Variants in CSMD1 observed in about 807,000 individuals in gnomAD.
The protein encoded by CSMD1 is CUB and Sushi multiple domains 1.
CSMD1 carries 213 observed loss-of-function variants against 417.5 expected under a neutral mutation model. The ratio of observed to expected loss-of-function variants is 0.51; its 90% CI spans 0.46 to 0.57. CSMD1 has a LOEUF of 0.57. Ranked by LOEUF, CSMD1 falls within the 20% of genes least tolerant of loss-of-function variation. CSMD1 has a pLI of 0.00. For missense variants in CSMD1, 6,923 were observed against 4,529.7 expected (o/e 1.53, Z -15.17); for synonymous variants, 2,862 against 1,736.8 (o/e 1.65, Z -16.11).
intron 7 of CSMD1, among the ~76,000 whole-genome samples, chr8:3,631,399 A>C (rs1329746707): frequency 6.6e-6 from 1 of 152,222 alleles, no homozygotes; most frequent in Non-Finnish European, 1.5e-5. Flanking sequence ...TGGAGTAGCA[A>C]AGAAGCCAGC....
chr8:4,077,572 T>A (rs1799901336), intron 3 of CSMD1, among the ~76,000 whole-genome samples: 2 of 152,056 alleles, frequency 1.3e-5, no homozygotes, highest in South Asian at 4.2e-4. Flanking sequence ...AAACCACTGC[T>A]ATGCCTATCA....
intron 7 of CSMD1, among the ~76,000 whole-genome samples, chr8:3,674,260 TA>T (rs1396547123): frequency 2.6e-5 from 4 of 152,222 alleles, no homozygotes; most frequent in African/African-American, 9.6e-5. Flanking sequence ...TAGTTGACTG[TA>T]ACCCATGTTG....
At chr8:3,556,486 TCAAA>T (rs1278407575) in intron 10 of CSMD1, among the ~76,000 whole-genome samples, 6 of 145,398 alleles carry the variant, frequency 4.1e-5, no homozygotes, top group East Asian at 2.0e-4. Flanking sequence ...GCCAAAATTA[TCAAA>T]CAAAATACAA....
chr8:4,667,270 T>G (rs969753263), intron 1 of CSMD1, among the ~76,000 whole-genome samples: 3 of 152,188 alleles, frequency 2.0e-5, no homozygotes. Context: ...AAAAGAAATC[T>G]TGAAATCAGA....
At chr8:4,901,122 A>C (rs1157155905) in intron 1 of CSMD1, among the ~76,000 whole-genome samples, 5 of 152,252 alleles carry the variant, frequency 3.3e-5, no homozygotes, top group Non-Finnish European at 7.3e-5. Context: ...TCAGTATTAC[A>C]CAGCAATTGC....
chr8:4,697,693 G>A (rs1807231529), intron 1 of CSMD1, among the ~76,000 whole-genome samples: 1 of 152,070 alleles, frequency 6.6e-6, no homozygotes, highest in South Asian at 2.1e-4. Flanking sequence ...TTTAATTACT[G>A]GACATGAGAG....
chr8:4,146,324 C>G (rs145353001), intron 3 of CSMD1, among the ~76,000 whole-genome samples: 1 of 150,812 alleles, frequency 6.6e-6, no homozygotes, highest in African/African-American at 2.5e-5. Flanking sequence ...TCTGACACAT[C>G]CAAAGCAGGT....
intron 5 of CSMD1, among the ~76,000 whole-genome samples, chr8:3,809,628 G>C (rs750395016): frequency 3.3e-5 from 5 of 152,232 alleles, no homozygotes; most frequent in African/African-American, 1.2e-4. Flanking sequence ...TCTGTCTCTG[G>C]TGGCGGCTAA....
rs1225008250 is a variant in CSMD1 at position 3,308,333 on chromosome 8, T to G, written c.3802A>C (p.Lys1268Gln). Residue 1268 changes from lysine (K) to glutamine (Q), a missense_variant, in exon 24 of 70, where the codon AAA becomes CAA. By Grantham distance (53) the Lys-to-Gln change is moderately conservative. Transcript: ENST00000635120. Reference protein sequence around the residue: ...CLSGDRRVWDKPLPSCIAECG... With the variant: ...CLSGDRRVWDQPLPSCIAECG... Reference sequence around the variant, plus strand: ...TCACCTATGCACGAAGGTAGTGGTTTGTCCCACACTCTCCTGTCTCCACTC... The same window carrying G: ...TCACCTATGCACGAAGGTAGTGGTTGGTCCCACACTCTCCTGTCTCCACTC... 5.0e-6 allele frequency: 8 copies of G among 1,611,418 alleles called. No homozygotes were observed. The highest frequency in any genetic ancestry group is 1.7e-5 in the Admixed American group (1 of 59,986).
chr8:3,549,120 G>T (rs183559377), intron 10 of CSMD1, among the ~76,000 whole-genome samples: 1 of 152,110 alleles, frequency 6.6e-6, no homozygotes, highest in Non-Finnish European at 1.5e-5. Context: ...GCAGATGCCC[G>T]CTTCCATGTT....
intron 1 of CSMD1, chr8:4,788,635 T>A (rs1025114619): frequency 2.9e-5 from 23 of 780,130 alleles, no homozygotes; most frequent in Non-Finnish European, 4.5e-5. Context: ...AAATTTCTAA[T>A]TTAGCTGAAG....
In CSMD1 at chr8:3,104,437, C is replaced by A. The variant is rs1023956949; in HGVS notation, c.6949+2091G>T. ...CTTCCACAGCCTACGGTCTGCTTAG[C>A]GTTTAAACAGACGAGCAGGCCAAGG... On this transcript the variant is annotated intron_variant, in intron 46 of 69. Transcript: ENST00000635120. 3.9e-5 allele frequency among the ~76,000 whole-genome samples: 6 copies of A among 152,074 alleles called. No homozygotes were observed. The East Asian group carries it at 9.7e-4, about 25-fold the overall frequency.
intron 1 of CSMD1, among the ~76,000 whole-genome samples, chr8:4,665,388 C>G (rs1401192952): frequency 1.3e-5 from 2 of 152,156 alleles, no homozygotes; most frequent in Non-Finnish European, 2.9e-5. Flanking sequence ...TGAACGGGTC[C>G]ATGAGTCGTG....
intron 3 of CSMD1, among the ~76,000 whole-genome samples, chr8:4,312,559 G>A (rs191272820): frequency 4.6e-5 from 7 of 151,138 alleles, no homozygotes; most frequent in South Asian, 2.1e-4. Context: ...GCTCACAGTC[G>A]TTCTATTTAT....
At chr8:3,967,649 C>A (rs1442483979) in intron 5 of CSMD1, among the ~76,000 whole-genome samples, 1 of 152,110 alleles carries the variant, frequency 6.6e-6, no homozygotes, top group Non-Finnish European at 1.5e-5. Context: ...CCTCCATTCC[C>A]TGCCTACAAT....
At chr8:4,678,929 T>C (rs1050845633) in intron 1 of CSMD1, among the ~76,000 whole-genome samples, 3 of 152,196 alleles carry the variant, frequency 2.0e-5, no homozygotes, top group African/African-American at 4.8e-5. Context: ...TGTACTTAAC[T>C]ACATAAACCA....
chr8:3,879,128 A>C (rs899752317), intron 5 of CSMD1, among the ~76,000 whole-genome samples: 1 of 152,174 alleles, frequency 6.6e-6, no homozygotes, highest in South Asian at 2.1e-4. Context: ...GTGTTCAAAC[A>C]ATCATTTTGT....
chr8:3,823,061 G>T (rs1030373167), intron 5 of CSMD1, among the ~76,000 whole-genome samples: 4 of 152,094 alleles, frequency 2.6e-5, no homozygotes, highest in African/African-American at 9.7e-5. Context: ...TATGGTTCCG[G>T]AAGAGATTTC....
At chr8:3,612,222 A>G (rs561976985) in intron 8 of CSMD1, among the ~76,000 whole-genome samples, 13 of 152,242 alleles carry the variant, frequency 8.5e-5, no homozygotes, top group Admixed American at 7.9e-4. Context: ...AAGTCATTTC[A>G]TAACAAAAGG....
Sources: gnomAD v4.1 joint callset for allele counts (sites outside exome capture counted in the v4.1 genomes callset) on GRCh38, gnomAD v4.1.1 for gene constraint, MANE v1.5 for transcripts, NCBI Gene and HGNC (gene_info 2026-07-23, HGNC 2026-07-21) for gene names.